Variants in ZZEF1 observed in about 807,000 individuals in gnomAD.
The protein encoded by ZZEF1 is zinc finger ZZ-type and EF-hand domain containing 1.
A neutral mutation model predicts 342.8 loss-of-function variants in ZZEF1; 157 were observed. The ratio of observed to expected loss-of-function variants is 0.46; its 90% CI spans 0.40 to 0.52. ZZEF1 has a LOEUF of 0.52. ZZEF1 is among the 20% of genes least tolerant of loss of function. The pLI is 0.00. For missense variants in ZZEF1, 3,480 were observed against 3,725.6 expected, an observed-to-expected ratio of 0.93 and a Z score of 1.72; for synonymous variants, 1,505 against 1,429.1, an observed-to-expected ratio of 1.05 and a Z score of -1.20.
At position 4,142,930 on chromosome 17, in the gene ZZEF1, G is replaced by A; in HGVS notation, c.-35C>T. On this transcript the variant is annotated 5_prime_UTR_variant, in exon 1 of 55. Coordinates refer to ENST00000381638, the MANE Select transcript of ZZEF1 (RefSeq NM_015113.4). Reference sequence around the variant, plus strand: ...GTCTTGGGCGCCTGGCTCTGCAGCCGCCGCCGCCGCCTCCCCGCCTCGACC... The same window carrying A: ...GTCTTGGGCGCCTGGCTCTGCAGCCACCGCCGCCGCCTCCCCGCCTCGACC... 7.7e-6 allele frequency: 10 copies of A among 1,300,614 alleles called. No homozygotes were observed. Among genetic ancestry groups the A allele is most frequent in the South Asian group, 4.7e-5 (2 of 42,502 alleles). The allele number at this position is 1,300,614 out of a possible 1,614,324, so 80.6% of individuals were successfully genotyped here.
At chr17:4,114,602 T>G in intron 3 of ZZEF1, 132 bp from the exon 4 acceptor site, 1 of 714,196 alleles carries the variant, frequency 1.4e-6, no homozygotes, top group Non-Finnish European at 2.1e-6. Context: ...TAAAATCTCC[T>G]TCCAGATCCT....
In ZZEF1 at chr17:4,021,110, A is replaced by G. The variant is rs539929829; in HGVS notation, c.7404+19T>C. ...CCTCAGAAGCCCCTCCTAAGCCACA[A>G]GATGACTCAAGAACACACCAAGAAA... On this transcript the variant is annotated intron_variant, in intron 45 of 54. Coordinates refer to ENST00000381638, the MANE Select transcript of ZZEF1 (RefSeq NM_015113.4). 3 of 1,579,148 alleles carry G rather than the reference A, an allele frequency of 1.9e-6. No individual in the cohort carries two copies. Among genetic ancestry groups the G allele is most frequent in the South Asian group, 1.2e-5 (1 of 86,888 alleles).
In ZZEF1 at chr17:4,014,492, G is replaced by A. The variant is rs752266636; in HGVS notation, c.8169C>T (p.Ala2723=). The A allele has an allele frequency of 6.8e-6, 11 of 1,614,188 alleles. No homozygotes were observed. The highest frequency in any genetic ancestry group is 9.3e-6 in the Non-Finnish European group (11 of 1,180,036). The change falls in exon 50 of 55, where the codon GCC becomes GCT. Residue 2723 remains alanine (A), a synonymous_variant. Coordinates refer to ENST00000381638, the MANE Select transcript of ZZEF1 (RefSeq NM_015113.4). This position sits in a 1 kb window ranked among gnomAD's most constrained non-coding sequence, Gnocchi z 4.4. ...AGTCGAATTTGATTGAGAGGTAGATGGCACCAGGAATGTGAACTTTATCCT... is the reference window on the plus strand; with the variant it reads ...AGTCGAATTTGATTGAGAGGTAGATAGCACCAGGAATGTGAACTTTATCCT... ...NFEDKVHIPG[A]IYLSIKFDSQ... is the part of the protein sequence containing the mutation.
intron 11 of ZZEF1, among the ~76,000 whole-genome samples, chr17:4,093,198 C>A (rs954855092): frequency 2.6e-5 from 4 of 152,108 alleles, no homozygotes; most frequent in African/African-American, 9.7e-5. Context: ...GGAAATGACC[C>A]ATTTTAATTT....
Position 4,014,497 on chromosome 17 carries a change from C to G in ZZEF1, c.8164G>C (p.Gly2722Arg), listed in dbSNP as rs1011208289. ...AATTTGATTGAGAGGTAGATGGCAC[C>G]AGGAATGTGAACTTTATCCTAGGGA... The part of the protein sequence containing the change: ...TNFEDKVHIP[G>R]AIYLSIKFDS... The change falls in exon 50 of 55, where the codon GGT becomes CGT. Residue 2722 changes from glycine (G) to arginine (R), a missense_variant. By Grantham distance (125) the Gly-to-Arg change is moderately radical. Transcript: ENST00000381638. The surrounding 1 kb of genome is among the most constrained non-coding windows in gnomAD (Gnocchi z 4.4). The G allele has an allele frequency of 6.2e-7, 1 of 1,614,182 alleles. No individual in the cohort carries two copies. The highest frequency in any genetic ancestry group is 1.3e-5 in the African/African-American group (1 of 75,024).
intron 42 of ZZEF1, among the ~76,000 whole-genome samples, chr17:4,028,641 T>C (rs1212291220): frequency 6.6e-6 from 1 of 151,490 alleles, no homozygotes; most frequent in Non-Finnish European, 1.5e-5. Context: ...ACAGGGATTA[T>C]CAGATTGGAT....
Position 4,074,296 on chromosome 17 carries a change from C to T in ZZEF1, c.3539G>A (p.Ser1180Asn). The change falls in exon 24 of 55, where the codon AGT becomes AAT. Residue 1180 changes from serine (S) to asparagine (N), a missense_variant. Ser to Asn is a conservative substitution (Grantham distance 46). This residue lies in a region of ZZEF1 where 1,528 missense variants were observed against 1,624.1 expected (regional missense o/e 0.94). Transcript: ENST00000381638. ...GAATTTGTAGCCCCATTCGTTGTGA[C>T]TGCTGTCAGAGTGAAAGAGGAACTG... is the stretch of plus-strand genomic sequence containing the variant. ...RLQFLFHSDS[S>N]HNEWGYKFTV... The T allele has an allele frequency of 6.2e-7, 1 of 1,614,172 alleles. No individual in the cohort carries two copies. Among genetic ancestry groups the T allele is most frequent in the East Asian group, 2.2e-5 (1 of 44,880 alleles).
intron 33 of ZZEF1, 78 bp from the exon 34 acceptor site, chr17:4,054,273 C>G: frequency 6.8e-7 from 1 of 1,477,162 alleles, no homozygotes; most frequent in Non-Finnish European, 9.3e-7. Flanking sequence ...CCTCCATTCA[C>G]TAGGTACTGA....
intron 37 of ZZEF1, among the ~76,000 whole-genome samples, chr17:4,049,180 T>G (rs12942675): frequency 0.2 from 30,026 of 152,090 alleles, 2,998 homozygotes; most frequent in East Asian, 0.21. Context: ...AATAAGCCTA[T>G]GTTACAAGTA....
intron 16 of ZZEF1, among the ~76,000 whole-genome samples, chr17:4,082,803 T>C (rs12601931): frequency 0.14 from 22,028 of 152,116 alleles, 1,826 homozygotes; most frequent in East Asian, 0.18. Flanking sequence ...GAGACGGAAT[T>C]TCGCTCTTGT....
intron 18 of ZZEF1, among the ~76,000 whole-genome samples, chr17:4,080,465 G>A (rs1025320546): frequency 1.8e-4 from 27 of 152,144 alleles, no homozygotes; most frequent in African/African-American, 7.2e-5. Flanking sequence ...TCAGCCTCCC[G>A]AGTAGCTGGG....
intron 1 of ZZEF1, among the ~76,000 whole-genome samples, chr17:4,127,967 CT>C (rs965629452): frequency 6.6e-6 from 1 of 152,194 alleles, no homozygotes. Context: ...GAGCAACCAG[CT>C]TTTTAGTCCC....
rs1322300857 is a variant in ZZEF1 at position 4,013,561 on chromosome 17, G to C, written c.8467C>G (p.Pro2823Ala). The change falls in exon 52 of 55, where the codon CCA becomes GCA. Residue 2823 changes from proline (P) to alanine (A), a missense_variant. Physicochemically the swap from Pro to Ala is conservative, Grantham distance 27. Around this residue, in one of 5 missense-constraint regions of ZZEF1, gnomAD observed 1,269 missense variants for 1,342.4 expected, o/e 0.95. Transcript: ENST00000381638. ...AGCCATTCCCAAATTTTTGCCAATG[G>C]GAGATGAGGCACGACCCTTTCTTCT... Reference protein sequence around the residue: ...LSEERVVPHLPLAKIWEWLVG... With the variant: ...LSEERVVPHLALAKIWEWLVG... The C allele has an allele frequency of 6.2e-7, 1 of 1,614,092 alleles. No individual in the cohort carries two copies. The highest frequency in any genetic ancestry group is 8.5e-7 in the Non-Finnish European group (1 of 1,179,984).
intron 1 of ZZEF1, among the ~76,000 whole-genome samples, chr17:4,140,931 C>A (rs1248437317): frequency 6.4e-5 from 9 of 140,700 alleles, no homozygotes; most frequent in African/African-American, 1.6e-4. Flanking sequence ...TTTTTTGAGA[C>A]AGAGTATCGC....
At chr17:4,057,592 G>C (rs1169974289) in intron 32 of ZZEF1, among the ~76,000 whole-genome samples, 1 of 152,132 alleles carries the variant, frequency 6.6e-6, no homozygotes, top group Non-Finnish European at 1.5e-5. Context: ...ACATATACAT[G>C]TAACAAAAAT....
chr17:4,048,382 A>G (rs929669681), intron 37 of ZZEF1, among the ~76,000 whole-genome samples: 1 of 152,176 alleles, frequency 6.6e-6, no homozygotes, highest in African/African-American at 2.4e-5. Context: ...TTGGTGAGCT[A>G]CAACCACCAG....
intron 26 of ZZEF1, among the ~76,000 whole-genome samples, chr17:4,068,960 T>C (rs1220053815): frequency 1.3e-5 from 2 of 152,182 alleles, no homozygotes; most frequent in African/African-American, 4.8e-5. Context: ...TATATCAATA[T>C]CTATATCACA....
At chr17:4,045,813 G>A (rs2056900142) in intron 37 of ZZEF1, among the ~76,000 whole-genome samples, 1 of 147,856 alleles carries the variant, frequency 6.8e-6, no homozygotes, top group South Asian at 2.1e-4. Context: ...TTTCCTAGAT[G>A]CTGTTTTTTT....
intron 9 of ZZEF1, among the ~76,000 whole-genome samples, chr17:4,100,229 T>C (rs2058104688): frequency 6.6e-6 from 1 of 152,180 alleles, no homozygotes; most frequent in Non-Finnish European, 1.5e-5. Flanking sequence ...CCATGAGTAC[T>C]TTCCTCTTGT....
Sources: allele counts gnomAD v4.1 joint callset (sites outside exome capture counted in the v4.1 genomes callset), GRCh38; gene constraint gnomAD v4.1.1; regional missense constraint gnomAD v4.1.1; non-coding constraint Gnocchi (gnomAD v3.1); transcripts MANE v1.5; gene names NCBI Gene and HGNC (gene_info 2026-07-23, HGNC 2026-07-21).